The following EIF3H variants were observed in gnomAD, a reference collection of about 807,000 sequenced individuals.
EIF3H encodes the protein eukaryotic translation initiation factor 3 subunit H, also known as eIF-3-gamma.
EIF3H carries 26 observed loss-of-function variants against 44.2 expected under a neutral mutation model. The observed-to-expected ratio is 0.59, with a 90% CI of 0.43 to 0.82. The LOEUF (loss-of-function observed/expected upper bound fraction) is 0.82. EIF3H is among the 40% of genes least tolerant of loss of function. The pLI is 0.00. For synonymous variants in EIF3H, 166 were observed against 151.9 expected (o/e 1.09, Z -0.68); for missense variants, 359 against 432.8 (o/e 0.83, Z 1.51).
chr8:116,650,220 A>G (rs1417573535), intron 5 of EIF3H, among the ~76,000 whole-genome samples: 1 of 152,198 alleles, frequency 6.6e-6, no homozygotes, highest in Non-Finnish European at 1.5e-5. Flanking sequence ...AGGTTAGTTA[A>G]AAGTCTACTG....
At chr8:116,653,069 T>C (rs778147892) in intron 5 of EIF3H, among the ~76,000 whole-genome samples, 1 of 151,792 alleles carries the variant, frequency 6.6e-6, no homozygotes, top group Non-Finnish European at 1.5e-5. Flanking sequence ...GCAGTGACAG[T>C]AGGGAAAAAA....
At chr8:116,652,272 T>TC (rs1435739525) in intron 5 of EIF3H, among the ~76,000 whole-genome samples, 2 of 152,172 alleles carry the variant, frequency 1.3e-5, no homozygotes, top group African/African-American at 4.8e-5. Context: ...TTCTGTGACT[T>TC]TGGAGGGAGG....
chr8:116,666,921 T>C (rs1813679666), intron 2 of EIF3H, among the ~76,000 whole-genome samples: 1 of 152,182 alleles, frequency 6.6e-6, no homozygotes, highest in Non-Finnish European at 1.5e-5. Context: ...TTAACATACT[T>C]GAAAAAAGTC....
intron 2 of EIF3H, among the ~76,000 whole-genome samples, chr8:116,674,364 G>A (rs1813812349): frequency 6.6e-6 from 1 of 151,698 alleles, no homozygotes; most frequent in Non-Finnish European, 1.5e-5. Flanking sequence ...AGATAAAGCT[G>A]TTCCCAGCAA....
At chr8:116,691,228 A>T (rs1814168098) in intron 2 of EIF3H, among the ~76,000 whole-genome samples, 1 of 152,218 alleles carries the variant, frequency 6.6e-6, no homozygotes, top group East Asian at 1.9e-4. Context: ...CATCCACAAG[A>T]AACACACATA....
At chr8:116,765,834 G>A (rs1396512276) in exon 1 of EIF3H, 4 of 152,234 alleles carry the variant, frequency 2.6e-5, no homozygotes, top group African/African-American at 7.2e-5. Flanking sequence ...GGCAAACGAA[G>A]CTCTTGAGAG....
At chr8:116,692,274 T>C (rs1437801906) in intron 2 of EIF3H, among the ~76,000 whole-genome samples, 1 of 152,148 alleles carries the variant, frequency 6.6e-6, no homozygotes, top group Non-Finnish European at 1.5e-5. Flanking sequence ...CAGAAGAAAC[T>C]GGGAGAAAAG....
Position 116,726,013 on chromosome 8 carries a change from T to C in EIF3H, c.289+3A>G, listed in dbSNP as rs1488863875. On this transcript the variant is annotated splice_donor_region_variant and intron_variant, in intron 2 of 7. Coordinates refer to ENST00000521861, the MANE Select transcript of EIF3H (RefSeq NM_003756.3). ...AAGACACACTTGTGATGAACACCCT[T>C]ACCTTCATCAAAGTCAGCATCATCC... 1.2e-6 allele frequency: 2 copies of C among 1,613,466 alleles called. No individual in the cohort carries two copies. The highest frequency in any genetic ancestry group is 4.5e-5 in the East Asian group (2 of 44,838).
At position 116,658,925 on chromosome 8, in the gene EIF3H, A is replaced by G. The variant is rs769414204; in HGVS notation, c.345T>C (p.Leu115=). The stretch of plus-strand genomic sequence containing the variant: ...ATGTGGACTGATACCAGCCCACGTG[A>G]AGATGATCAATGTTTACATGGCGAA... ...RSLRHVNIDH[L]HVGWYQSTYY... The change falls in exon 3 of 8, where the codon CTT becomes CTC. Residue 115 remains leucine, a synonymous_variant. Coordinates refer to ENST00000521861, the MANE Select transcript of EIF3H (RefSeq NM_003756.3). The G allele has an allele frequency of 3.1e-6, 5 of 1,613,742 alleles. No individual in the cohort carries two copies. In the South Asian group the frequency reaches 5.5e-5, roughly 18 times the overall value.
rs1815208151 is a variant in EIF3H, at chr8:116,745,001, C to A, written c.132+10665G>T. On this transcript the variant is annotated intron_variant, in intron 1 of 7. Coordinates refer to ENST00000521861, the MANE Select transcript of EIF3H (RefSeq NM_003756.3). ...ACTTAAAATACCTGGAGTTGCTCAG[C>A]CAAACCAATGAAGTCCAAGATATTG... Among the ~76,000 whole-genome samples the A allele has an allele frequency of 2.0e-5, 3 of 152,302 alleles. No homozygotes were observed. In the South Asian group the frequency reaches 6.2e-4, roughly 32 times the overall value.
At chr8:116,747,182 C>T (rs1815252451) in intron 1 of EIF3H, among the ~76,000 whole-genome samples, 1 of 152,150 alleles carries the variant, frequency 6.6e-6, no homozygotes, top group South Asian at 2.1e-4. Context: ...CCTGCCTCAG[C>T]CTCCTGAGTA....
intron 2 of EIF3H, among the ~76,000 whole-genome samples, chr8:116,669,630 C>T (rs916539816): frequency 6.6e-6 from 1 of 152,122 alleles, no homozygotes; most frequent in Non-Finnish European, 1.5e-5. Context: ...AGATAAGCTT[C>T]CTTTACCTTC....
At chr8:116,749,313 GAGAA>G (rs1815289739) in intron 1 of EIF3H, among the ~76,000 whole-genome samples, 1 of 152,204 alleles carries the variant, frequency 6.6e-6, no homozygotes, top group South Asian at 2.1e-4. Flanking sequence ...AAAAAGCTCA[GAGAA>G]AGGAAGAGAG....
At chr8:116,765,685 G>A (rs1183283241) in exon 1 of EIF3H, 2 of 152,206 alleles carry the variant, frequency 1.3e-5, no homozygotes, top group African/African-American at 4.8e-5. Context: ...CACATAAAAA[G>A]AGTACTTGAA....
intron 2 of EIF3H, among the ~76,000 whole-genome samples, chr8:116,691,995 T>A (rs768496596): frequency 2.0e-5 from 3 of 152,234 alleles, no homozygotes; most frequent in Non-Finnish European, 4.4e-5. Context: ...TGATAGCTTG[T>A]GCAAACACTA....
intron 2 of EIF3H, among the ~76,000 whole-genome samples, chr8:116,677,394 T>C (rs1400282842): frequency 6.6e-6 from 1 of 152,232 alleles, no homozygotes; most frequent in African/African-American, 2.4e-5. Flanking sequence ...ATGGTTAAGA[T>C]GTGTTTTAAC....
chr8:116,666,412 A>G (rs1813667216), intron 2 of EIF3H, among the ~76,000 whole-genome samples: 1 of 152,150 alleles, frequency 6.6e-6, no homozygotes, highest in Non-Finnish European at 1.5e-5. Context: ...TTCACACAAA[A>G]TAACACTTAC....
intron 2 of EIF3H, among the ~76,000 whole-genome samples, chr8:116,716,975 T>C (rs1279757477): frequency 6.6e-6 from 1 of 152,116 alleles, no homozygotes; most frequent in Non-Finnish European, 1.5e-5. Context: ...CAAAAAAAGA[T>C]CTTCCTCTGA....
At chr8:116,680,237 A>G (rs1192756642) in intron 2 of EIF3H, among the ~76,000 whole-genome samples, 1 of 36,612 alleles carries the variant, frequency 2.7e-5, no homozygotes, top group African/African-American at 7.3e-5. Flanking sequence ...CAGCCGCCCC[A>G]TCCGGGAGGT....
Sources: allele counts gnomAD v4.1 joint callset (sites outside exome capture counted in the v4.1 genomes callset), GRCh38; gene constraint gnomAD v4.1.1; transcripts MANE v1.5; gene names NCBI Gene and HGNC (gene_info 2026-07-23, HGNC 2026-07-21).